L3MBTL4: variants seen among roughly 807,000 people sequenced by gnomAD.
The protein encoded by L3MBTL4 is L3MBTL histone methyl-lysine binding protein 4, also known as lethal(3)malignant brain tumor-like protein 4.
In L3MBTL4, 70 loss-of-function variants were observed where a neutral mutation model predicts 84.5. The observed-to-expected ratio is 0.83, with a 90% CI of 0.68 to 1.01. The LOEUF (loss-of-function observed/expected upper bound fraction) is 1.01, where lower values mean the gene tolerates loss of function less well. Among genes scored for constraint, L3MBTL4 ranks in the 50% least tolerant of loss-of-function variants. L3MBTL4 has a pLI of 0.00. For missense variants in L3MBTL4, 715 were observed against 754.8 expected (o/e 0.95, Z 0.62); for synonymous variants, 274 against 259.8 (o/e 1.05, Z -0.52).
chr18:6,396,494 C>G (rs970220700), intron 1 of L3MBTL4: 6 of 152,212 alleles, frequency 3.9e-5, no homozygotes, highest in African/African-American at 1.4e-4. Context: ...CCAAATTGTT[C>G]TCTCTACAAA....
At chr18:6,330,308 C>G (rs549894022) in intron 1 of L3MBTL4, among the ~76,000 whole-genome samples, 1 of 152,274 alleles carries the variant, frequency 6.6e-6, no homozygotes, top group East Asian at 1.9e-4. Flanking sequence ...GGTCAAAAGT[C>G]CTAAATAGAT....
intron 12 of L3MBTL4, among the ~76,000 whole-genome samples, chr18:6,188,830 T>C (rs1456174034): frequency 2.0e-5 from 3 of 152,256 alleles, no homozygotes; most frequent in Admixed American, 6.5e-5. Flanking sequence ...CTCCTGGTCC[T>C]GGGATCACTA....
intron 14 of L3MBTL4, among the ~76,000 whole-genome samples, chr18:6,118,055 G>A (rs184832663): frequency 1.3e-5 from 2 of 152,152 alleles, no homozygotes; most frequent in South Asian, 2.1e-4. Context: ...CAAAGTCTCA[G>A]AACCAAGTTG....
intron 16 of L3MBTL4, among the ~76,000 whole-genome samples, chr18:6,004,843 G>C (rs2054389575): frequency 6.6e-6 from 1 of 152,072 alleles, no homozygotes; most frequent in African/African-American, 2.4e-5. Flanking sequence ...AGGGCCTGCA[G>C]GGAGCGGCAA....
chr18:5,956,092 A>C lies in L3MBTL4; in HGVS notation c.*128T>G. 1 of 808,172 alleles carries C rather than the reference A, an allele frequency of 1.2e-6. No homozygotes were observed. Among genetic ancestry groups the C allele is most frequent in the Non-Finnish European group, 2.0e-6 (1 of 497,606 alleles). The allele number at this position is 808,172 out of a possible 1,614,324, so 50.1% of individuals were successfully genotyped here. ...TCCTCTAAACATGTAAACAAATCACAGACACTTTAAAAAGTCCAGATTCAG... is the reference window on the plus strand; with the variant it reads ...TCCTCTAAACATGTAAACAAATCACCGACACTTTAAAAAGTCCAGATTCAG... On this transcript the variant is annotated 3_prime_UTR_variant, in exon 19 of 19. Transcript: ENST00000317931.
chr18:6,228,125 T>C (rs2046852000), intron 10 of L3MBTL4, among the ~76,000 whole-genome samples: 2 of 152,194 alleles, frequency 1.3e-5, no homozygotes, highest in Non-Finnish European at 2.9e-5. Context: ...TAGACATACA[T>C]TGTCAATTAA....
intron 16 of L3MBTL4, among the ~76,000 whole-genome samples, chr18:6,079,132 G>C (rs1347056664): frequency 2.0e-5 from 3 of 152,078 alleles, no homozygotes; most frequent in African/African-American, 7.2e-5. Context: ...TTCCTAACAG[G>C]CTACAGACCG....
intron 1 of L3MBTL4, among the ~76,000 whole-genome samples, chr18:6,407,873 G>A (rs2055799995): frequency 6.6e-6 from 1 of 152,164 alleles, no homozygotes. Flanking sequence ...TGCAATTGTG[G>A]ACGACAACAG....
At chr18:6,326,599 A>T (rs2051732596) in intron 1 of L3MBTL4, 1 of 152,216 alleles carries the variant, frequency 6.6e-6, no homozygotes, top group Non-Finnish European at 1.5e-5. Context: ...TAATTCCCAT[A>T]AAGGAAAGCA....
At position 6,076,934 on chromosome 18, in the gene L3MBTL4, G is replaced by A. The variant is rs929031690; in HGVS notation, c.1444+3947C>T. ...AGTGACATCTCTTTGAGGGACCAAG[G>A]AGCGTCTAACGGCGACAGGACAGAG... On this transcript the variant is annotated intron_variant, in intron 16 of 18. Coordinates refer to ENST00000317931, the MANE Select transcript of L3MBTL4 (RefSeq NM_001330559.2). Among the ~76,000 whole-genome samples the A allele has an allele frequency of 3.3e-5, 5 of 152,164 alleles. No homozygotes were observed. The East Asian group carries it at 5.8e-4, about 18-fold the overall frequency.
chr18:6,192,478 C>T (rs1299253607), intron 12 of L3MBTL4, among the ~76,000 whole-genome samples: 2 of 151,424 alleles, frequency 1.3e-5, no homozygotes, highest in African/African-American at 2.4e-5. Flanking sequence ...GCAGGTGCAG[C>T]GGGTGGTGCT....
At chr18:6,057,953 C>T (rs1481282851) in intron 16 of L3MBTL4, among the ~76,000 whole-genome samples, 1 of 152,120 alleles carries the variant, frequency 6.6e-6, no homozygotes, top group African/African-American at 2.4e-5. Context: ...AATAGCTATT[C>T]CTTTAATTTA....
At position 5,994,644 on chromosome 18, in the gene L3MBTL4, G is replaced by A. The variant is rs114552527; in HGVS notation, c.1445-25082C>T. 6.8e-3 allele frequency among the ~76,000 whole-genome samples: 1,038 copies of A among 152,252 alleles called. 26 individuals carry two copies. The highest frequency in any genetic ancestry group is 0.024 in the African/African-American group (999 of 41,526). ...ACGCTGGCTCCCATGCCACTGTACTGCTCTCTTGGAAAGATAGGGACCAGA... is the reference window on the plus strand; with the variant it reads ...ACGCTGGCTCCCATGCCACTGTACTACTCTCTTGGAAAGATAGGGACCAGA... On this transcript the variant is annotated intron_variant, in intron 16 of 18. Coordinates refer to ENST00000317931, the MANE Select transcript of L3MBTL4 (RefSeq NM_001330559.2).
intron 16 of L3MBTL4, among the ~76,000 whole-genome samples, chr18:5,996,384 G>A (rs2053965650): frequency 6.6e-6 from 1 of 152,200 alleles, no homozygotes. Flanking sequence ...GCCTCAAAGA[G>A]CATGTTTATG....
At chr18:6,391,034 A>AC (rs149158832) in intron 1 of L3MBTL4, among the ~76,000 whole-genome samples, 1,565 of 152,280 alleles carry the variant, frequency 0.01, 25 homozygotes, top group African/African-American at 0.035. Context: ...ACAAAAAAAA[A>AC]CAAAAGTCTA....
intron 16 of L3MBTL4, among the ~76,000 whole-genome samples, chr18:6,044,481 T>G (rs1211924851): frequency 9.9e-5 from 15 of 152,174 alleles, no homozygotes; most frequent in Admixed American, 9.8e-4. Context: ...GACTCCAGCC[T>G]CTGCTGCCAA....
intron 14 of L3MBTL4, among the ~76,000 whole-genome samples, chr18:6,119,506 T>A (rs987365984): frequency 3.4e-5 from 5 of 146,426 alleles, no homozygotes; most frequent in Non-Finnish European, 7.4e-5. Context: ...GTGGTAGGGG[T>A]GAGAGAAAGA....
At chr18:6,109,725 G>C (rs1598777843) in intron 14 of L3MBTL4, among the ~76,000 whole-genome samples, 1 of 152,158 alleles carries the variant, frequency 6.6e-6, no homozygotes, top group African/African-American at 2.4e-5. Context: ...AAGATGCCAG[G>C]AGGCCAGGGA....
At chr18:5,964,134 C>T (rs2052210364) in intron 17 of L3MBTL4, among the ~76,000 whole-genome samples, 1 of 152,252 alleles carries the variant, frequency 6.6e-6, no homozygotes, top group Admixed American at 6.5e-5. Flanking sequence ...ACCAGCACTT[C>T]CCACATTCTC....
Sources: allele counts gnomAD v4.1 joint callset (sites outside exome capture counted in the v4.1 genomes callset), GRCh38; gene constraint gnomAD v4.1.1; transcripts MANE v1.5; gene names NCBI Gene and HGNC (gene_info 2026-07-23, HGNC 2026-07-21).